Variants in WDHD1 observed in about 807,000 individuals in gnomAD.
The protein encoded by WDHD1 is WD repeat and HMG-box DNA binding protein 1, also known as WD repeat and HMG-box DNA-binding protein 1.
A neutral mutation model predicts 135.4 loss-of-function variants in WDHD1; 111 were observed. The observed-to-expected ratio is 0.82, with a 90% CI of 0.70 to 0.96. The LOEUF (loss-of-function observed/expected upper bound fraction) is 0.96, where lower values mean the gene tolerates loss of function less well. Among genes scored for constraint, WDHD1 ranks in the 40% least tolerant of loss-of-function variants. The probability of loss-of-function intolerance (pLI) is 0.00; values close to 1 mark genes in which losing one functional copy is unlikely to be tolerated. For missense variants in WDHD1, 1,351 were observed against 1,336.3 expected (o/e 1.01, Z -0.17); for synonymous variants, 434 against 439.0 (o/e 0.99, Z 0.14).
At chr14:54,942,266 AT>A (rs1166163637) in intron 25 of WDHD1, among the ~76,000 whole-genome samples, 5 of 149,220 alleles carry the variant, frequency 3.4e-5, no homozygotes, top group African/African-American at 1.3e-4. Context: ...AAATAAATAA[AT>A]AAATAAATAA....
intron 3 of WDHD1, among the ~76,000 whole-genome samples, chr14:55,010,769 T>G (rs1309275317): frequency 6.6e-6 from 1 of 152,246 alleles, no homozygotes; most frequent in African/African-American, 2.4e-5. Context: ...GGAAGGAGAC[T>G]CAAGAGAGCT....
chr14:55,026,863 G>C, intron 1 of WDHD1, 60 bp from the exon 2 acceptor site: 1 of 1,552,958 alleles, frequency 6.4e-7, no homozygotes, highest in Non-Finnish European at 8.9e-7. Flanking sequence ...AGCGAGGCTA[G>C]GGATAGGAAG....
intron 2 of WDHD1, among the ~76,000 whole-genome samples, chr14:55,014,280 G>C (rs1161154781): frequency 1.3e-5 from 2 of 152,170 alleles, no homozygotes; most frequent in East Asian, 1.9e-4. Flanking sequence ...TGTAGAGACA[G>C]GGTGTCCCTA....
intron 11 of WDHD1, among the ~76,000 whole-genome samples, chr14:54,994,760 CAA>C (rs371199804): frequency 6.3e-5 from 7 of 110,562 alleles, no homozygotes; most frequent in Admixed American, 1.0e-4. Flanking sequence ...GACTCCGCCT[CAA>C]AAAAAAAAAA....
chr14:54,964,927 C>A (rs750944356), intron 18 of WDHD1, among the ~76,000 whole-genome samples: 1 of 152,176 alleles, frequency 6.6e-6, no homozygotes, highest in Admixed American at 6.5e-5. Context: ...GTTCCTGGAC[C>A]ACAAGTAACA....
intron 24 of WDHD1, among the ~76,000 whole-genome samples, chr14:54,945,489 C>T (rs187410135): frequency 2.8e-4 from 42 of 152,260 alleles, no homozygotes; most frequent in African/African-American, 1.0e-3. Context: ...CCAGGTTACA[C>T]AAACAGTAAA....
At position 54,989,127 on chromosome 14, in the gene WDHD1, T is replaced by C; in HGVS notation, c.1427A>G (p.His476Arg). Reference protein sequence around the residue: ...IDVEFHDTSIHHATHLSNTLN... With the variant: ...IDVEFHDTSIRHATHLSNTLN... ...AGTGTTTGATAAGTGTGTTGCATGGTGTATGGAGGTATCATGGAACTCCAC... is the reference window on the plus strand; with the variant it reads ...AGTGTTTGATAAGTGTGTTGCATGGCGTATGGAGGTATCATGGAACTCCAC... The change falls in exon 13 of 26, where the codon CAC becomes CGC. Residue 476 changes from histidine (H) to arginine (R), a missense_variant. His to Arg is a conservative substitution (Grantham distance 29). Transcript: ENST00000360586. The C allele has an allele frequency of 1.2e-6, 2 of 1,613,780 alleles. No individual in the cohort carries two copies. The highest frequency in any genetic ancestry group is 1.7e-6 in the Non-Finnish European group (2 of 1,179,800).
chr14:55,002,363 T>A (rs768639539), intron 7 of WDHD1, among the ~76,000 whole-genome samples, 178 bp from the exon 8 acceptor site: 1 of 152,176 alleles, frequency 6.6e-6, no homozygotes, highest in Non-Finnish European at 1.5e-5. Flanking sequence ...CTCTAACTCC[T>A]GGGTTCAAGG....
rs148953051 is a variant in WDHD1 at position 55,026,768 on chromosome 14, G to A, written c.20C>T (p.Pro7Leu). 39 of 1,614,136 alleles carry A rather than the reference G, an allele frequency of 2.4e-5. No homozygotes were observed. Among genetic ancestry groups the A allele is most frequent in the Middle Eastern group, 1.6e-4 (1 of 6,062 alleles). MPATRK[P>L]MRYGHTEGHT... ...TCCCTCTGTATGCCCATATCTCATT[G>A]GCTTCCGTGTGGCAGGCATGTTTTC... The change falls in exon 2 of 26, where the codon CCA becomes CTA. Residue 7 changes from proline to leucine, a missense_variant. Pro to Leu is a moderately conservative substitution (Grantham distance 98). Coordinates refer to ENST00000360586, the MANE Select transcript of WDHD1 (RefSeq NM_007086.4).
At chr14:54,991,073 C>A (rs959441453) in intron 12 of WDHD1, 140 bp downstream of exon 12, 2 of 520,040 alleles carry the variant, frequency 3.8e-6, no homozygotes, top group Non-Finnish European at 6.9e-6. Context: ...ATAAACCAAC[C>A]ACAAAACTGT....
At chr14:54,945,779 T>C (rs1395696144) in intron 24 of WDHD1, among the ~76,000 whole-genome samples, 6 of 152,156 alleles carry the variant, frequency 3.9e-5, no homozygotes, top group Admixed American at 3.3e-4. Context: ...GACCTCATGA[T>C]CCACTCGCCT....
intron 10 of WDHD1, among the ~76,000 whole-genome samples, chr14:54,999,200 T>A (rs2041939925): frequency 6.6e-6 from 1 of 152,208 alleles, no homozygotes; most frequent in South Asian, 2.1e-4. Flanking sequence ...AAGTATCTAA[T>A]CTTTCATTTA....
intron 16 of WDHD1, among the ~76,000 whole-genome samples, chr14:54,970,498 G>A (rs2041413727): frequency 6.6e-6 from 1 of 151,276 alleles, no homozygotes. Context: ...ACTGTTGAAA[G>A]AAATCACAGA....
At chr14:55,005,117 C>T (rs1250408611) in intron 7 of WDHD1, 3 of 533,184 alleles carry the variant, frequency 5.6e-6, no homozygotes, top group Non-Finnish European at 1.1e-5. Context: ...GCATGACCTC[C>T]CACAGGAAAT....
At chr14:54,996,498 G>T (rs1172508000) in intron 10 of WDHD1, among the ~76,000 whole-genome samples, 1 of 152,158 alleles carries the variant, frequency 6.6e-6, no homozygotes, top group African/African-American at 2.4e-5. Flanking sequence ...TACCTGCGAG[G>T]CTGAGGTAGG....
chr14:54,981,702 C>T lies in WDHD1; in HGVS notation c.1907-6G>A. The T allele has an allele frequency of 6.3e-7, 1 of 1,593,162 alleles. No homozygotes were observed. Among genetic ancestry groups the T allele is most frequent in the Non-Finnish European group, 8.6e-7 (1 of 1,162,936 alleles). ...ATCCACGTAACAAGGGGTACCTAAACACCAACAGAAAAATCACTTGGAGAC... is the reference window on the plus strand; with the variant it reads ...ATCCACGTAACAAGGGGTACCTAAATACCAACAGAAAAATCACTTGGAGAC... On this transcript the variant is annotated splice_polypyrimidine_tract_variant and splice_region_variant and intron_variant, in intron 15 of 25. Transcript: ENST00000360586.
intron 10 of WDHD1, among the ~76,000 whole-genome samples, chr14:54,998,136 C>A (rs1055038982): frequency 6.6e-6 from 1 of 151,894 alleles, no homozygotes; most frequent in Non-Finnish European, 1.5e-5. Flanking sequence ...TCGCTTCAAC[C>A]CAGGAGGCGG....
rs949638356 is a variant in WDHD1, at chr14:54,949,551, G to A, written c.3051-5081C>T. Among the ~76,000 whole-genome samples, 287 of 151,860 alleles carry A rather than the reference G, an allele frequency of 1.9e-3. 1 individual carries two copies. Among genetic ancestry groups the A allele is most frequent in the African/African-American group, 6.8e-3 (281 of 41,096 alleles). The stretch of plus-strand genomic sequence containing the variant: ...TTGGTGTACCTGAAAGTGACAGGGA[G>A]AATGGAACCAAGTTGGAAAACACTC... On this transcript the variant is annotated intron_variant, in intron 24 of 25. Coordinates refer to ENST00000360586, the MANE Select transcript of WDHD1 (RefSeq NM_007086.4).
At chr14:55,005,498 G>A in intron 7 of WDHD1, 1 of 565,056 alleles carries the variant, frequency 1.8e-6, no homozygotes, top group Non-Finnish European at 3.4e-6. Context: ...AGCAACAATG[G>A]CACAAGCTCC....
Sources: allele counts gnomAD v4.1 joint callset (sites outside exome capture counted in the v4.1 genomes callset), GRCh38; gene constraint gnomAD v4.1.1; transcripts MANE v1.5; gene names NCBI Gene and HGNC (gene_info 2026-07-23, HGNC 2026-07-21).